The following NAV1 variants were observed in gnomAD, a reference collection of about 807,000 sequenced individuals.
NAV1 encodes the protein pore membrane and/or filament interacting like protein 3.
Under a neutral mutation model 175.2 loss-of-function variants are expected in NAV1, and 18 were observed. The observed-to-expected ratio is 0.10, with a 90% confidence interval of 0.07 to 0.15. The LOEUF (loss-of-function observed/expected upper bound fraction) is 0.15, where lower values mean the gene tolerates loss of function less well. NAV1 is among the 10% of genes least tolerant of loss of function. NAV1 has a pLI of 1.00. For synonymous variants in NAV1, 897 were observed against 978.7 expected (o/e 0.92, Z 1.56); for missense variants, 1,731 against 2,436.6 (o/e 0.71, Z 6.10).
intron 3 of NAV1, among the ~76,000 whole-genome samples, chr1:201,730,624 G>T (rs1021182115): frequency 6.6e-6 from 1 of 152,234 alleles, no homozygotes; most frequent in Non-Finnish European, 1.5e-5. Context: ...ATGAATCATT[G>T]TTAGAGACCC....
At chr1:201,737,888 T>C (rs1673182749) in intron 3 of NAV1, among the ~76,000 whole-genome samples, 1 of 152,168 alleles carries the variant, frequency 6.6e-6, no homozygotes. Context: ...GAATCCCTTA[T>C]GGCACGTCAC....
intron 3 of NAV1, among the ~76,000 whole-genome samples, chr1:201,768,087 G>A (rs1675323035): frequency 6.6e-6 from 1 of 152,172 alleles, no homozygotes; most frequent in Non-Finnish European, 1.5e-5. Context: ...CACTTTGGGA[G>A]GCTGAGGGAG....
At chr1:201,821,030 G>A (rs1679350288) in exon 30 of NAV1, 1 of 152,134 alleles carries the variant, frequency 6.6e-6, no homozygotes, top group Non-Finnish European at 1.5e-5. Flanking sequence ...GGGAGAAGAG[G>A]AACCCAGTTC....
At chr1:201,673,660 A>G (rs1670134530) in intron 1 of NAV1, among the ~76,000 whole-genome samples, 1 of 152,188 alleles carries the variant, frequency 6.6e-6, no homozygotes, top group East Asian at 1.9e-4. Context: ...GAGAGGGCAG[A>G]AGAGTTCAAG....
intron 1 of NAV1, among the ~76,000 whole-genome samples, chr1:201,681,137 G>A (rs7366302): frequency 0.44 from 67,553 of 151,908 alleles, 15,455 homozygotes; most frequent in South Asian, 0.71. Flanking sequence ...CAGAACAGAG[G>A]CCTTCAGTGG....
In NAV1 at chr1:201,785,298, TTA is replaced by T. The variant is rs748259273; in HGVS notation, c.2805-10_2805-9del. ...TCTCTCTCTCTTTTTTTTTTTTTTT[TTA>T]TCTCCACAGTAATCAGCGGGATCGG... On this transcript the variant is annotated splice_polypyrimidine_tract_variant and intron_variant, in intron 7 of 29. Coordinates refer to ENST00000367296, the Ensembl canonical transcript of NAV1. 2,610 of 1,586,658 alleles carry T rather than the reference TTA, an allele frequency of 1.6e-3. 41 individuals carry two copies. In the African/African-American group the frequency reaches 0.032, roughly 20 times the overall value.
intron 1 of NAV1, among the ~76,000 whole-genome samples, chr1:201,627,096 CTTTAA>C (rs1381080547): frequency 6.6e-6 from 1 of 152,078 alleles, no homozygotes; most frequent in African/African-American, 2.4e-5. Context: ...TGTTTTTAGT[CTTTAA>C]TTTATTTACT....
At position 201,819,832 on chromosome 1, in the gene NAV1, T is replaced by G; in HGVS notation, c.5539-5T>G. The G allele has an allele frequency of 3.1e-6, 5 of 1,613,992 alleles. No individual in the cohort carries two copies. The highest frequency in any genetic ancestry group is 4.2e-6 in the Non-Finnish European group (5 of 1,179,884). On this transcript the variant is annotated splice_polypyrimidine_tract_variant and splice_region_variant and intron_variant, in intron 29 of 29. Transcript: ENST00000367296. Reference sequence around the variant, plus strand: ...TCATAAATCCATCTTTTTGCCCCCCTTTAGATGGCCATGCTGCTGAAACTT... The same window carrying G: ...TCATAAATCCATCTTTTTGCCCCCCGTTAGATGGCCATGCTGCTGAAACTT...
intron 1 of NAV1, among the ~76,000 whole-genome samples, chr1:201,570,966 G>A (rs966493002): frequency 2.6e-5 from 4 of 152,216 alleles, no homozygotes; most frequent in African/African-American, 4.8e-5. Context: ...GAGCTTCATC[G>A]AATCTCAGCA....
chr1:201,801,200 T>A (rs1464634813), intron 15 of NAV1, among the ~76,000 whole-genome samples: 1 of 152,194 alleles, frequency 6.6e-6, no homozygotes, highest in African/African-American at 2.4e-5. Context: ...ATGATAATCG[T>A]TGTACAAAGG....
At chr1:201,682,413 A>G (rs778500615) in intron 1 of NAV1, among the ~76,000 whole-genome samples, 33 of 152,000 alleles carry the variant, frequency 2.2e-4, no homozygotes, top group Non-Finnish European at 4.4e-4. Context: ...GGCTGAAACT[A>G]TTTTAGCTTT....
chr1:201,709,533 A>C (rs1221103812), intron 1 of NAV1, among the ~76,000 whole-genome samples: 2 of 151,840 alleles, frequency 1.3e-5, no homozygotes, highest in African/African-American at 4.8e-5. Context: ...TGGCTGTACC[A>C]CCCCGGGAAT....
intron 3 of NAV1, among the ~76,000 whole-genome samples, chr1:201,776,070 A>G (rs778801356): frequency 1.3e-5 from 2 of 152,172 alleles, no homozygotes; most frequent in Non-Finnish European, 2.9e-5. Context: ...ATATACATAT[A>G]CATATATACA....
chr1:201,736,261 G>A (rs1673109210), intron 3 of NAV1, among the ~76,000 whole-genome samples: 1 of 152,122 alleles, frequency 6.6e-6, no homozygotes, highest in Non-Finnish European at 1.5e-5. Flanking sequence ...TCCTCTCAAG[G>A]GTCTCATTTC....
chr1:201,682,153 G>A (rs1240930123), intron 1 of NAV1, among the ~76,000 whole-genome samples: 4 of 150,870 alleles, frequency 2.7e-5, no homozygotes, highest in Admixed American at 6.6e-5. Flanking sequence ...AGGTATGGTG[G>A]CACATGCCTG....
intron 1 of NAV1, among the ~76,000 whole-genome samples, chr1:201,580,564 G>T (rs1444253489): frequency 6.6e-6 from 1 of 152,180 alleles, no homozygotes; most frequent in Non-Finnish European, 1.5e-5. Flanking sequence ...CTTGACGTCA[G>T]GAGTTCGAGA....
At chr1:201,721,175 A>G (rs892783675) in intron 3 of NAV1, among the ~76,000 whole-genome samples, 3 of 152,130 alleles carry the variant, frequency 2.0e-5, no homozygotes, top group Non-Finnish European at 2.9e-5. Flanking sequence ...TGGGGAACAC[A>G]GAATCAATTG....
intron 7 of NAV1, 136 bp downstream of exon 11, chr1:201,783,988 TG>T (rs1452590316): frequency 7.6e-5 from 57 of 753,622 alleles, no homozygotes; most frequent in South Asian, 7.2e-4. Context: ...TAATTTAATT[TG>T]CTTCACAACA....
At chr1:201,669,121 G>A (rs570046541) in intron 1 of NAV1, among the ~76,000 whole-genome samples, 21 of 152,292 alleles carry the variant, frequency 1.4e-4, no homozygotes, top group African/African-American at 5.1e-4. Context: ...CACCTGTCGG[G>A]TATCTACTAT....
Sources: gnomAD v4.1 joint callset for allele counts (sites outside exome capture counted in the v4.1 genomes callset) on GRCh38, gnomAD v4.1.1 for gene constraint, MANE v1.5 for transcripts, NCBI Gene and HGNC (gene_info 2026-07-23, HGNC 2026-07-21) for gene names.